SH3PXD2B: variants seen among roughly 807,000 people sequenced by gnomAD.
The protein encoded by SH3PXD2B is SH3 and PX domains 2B.
A neutral mutation model predicts 73.1 loss-of-function variants in SH3PXD2B; 37 were observed. That is an observed-to-expected ratio of 0.51 (90% CI 0.39 to 0.67). The LOEUF is 0.67. Ranked by LOEUF, SH3PXD2B falls within the 30% of genes least tolerant of loss-of-function variation. SH3PXD2B has a pLI of 0.00. For synonymous variants in SH3PXD2B, 457 were observed against 480.5 expected (o/e 0.95, Z 0.64); for missense variants, 1,053 against 1,197.8 (o/e 0.88, Z 1.78).
intron 2 of SH3PXD2B, among the ~76,000 whole-genome samples, chr5:172,407,746 G>T (rs2113432830): frequency 6.6e-6 from 1 of 152,334 alleles, no homozygotes; most frequent in East Asian, 1.9e-4. Context: ...GGGAGGGAGG[G>T]GAGGACCCGA....
intron 4 of SH3PXD2B, among the ~76,000 whole-genome samples, chr5:172,384,090 C>T (rs1758007158): frequency 6.6e-6 from 1 of 152,010 alleles, no homozygotes; most frequent in East Asian, 1.9e-4. Flanking sequence ...CGTGATCCAC[C>T]CACCTCGGCT....
chr5:172,433,469 G>GA (rs1759299934), intron 1 of SH3PXD2B, among the ~76,000 whole-genome samples: 1 of 152,082 alleles, frequency 6.6e-6, no homozygotes, highest in Non-Finnish European at 1.5e-5. Flanking sequence ...TTTACAATCA[G>GA]AAAAAAAGAT....
At chr5:172,431,638 A>AT (rs1759243484) in intron 1 of SH3PXD2B, among the ~76,000 whole-genome samples, 1 of 152,214 alleles carries the variant, frequency 6.6e-6, no homozygotes, top group South Asian at 2.1e-4. Flanking sequence ...TTCTGTAATG[A>AT]TATCAACTGT....
intron 12 of SH3PXD2B, among the ~76,000 whole-genome samples, chr5:172,341,462 T>C (rs1756847696): frequency 1.3e-5 from 2 of 152,246 alleles, no homozygotes; most frequent in Admixed American, 1.3e-4. Flanking sequence ...GGTGTCTCCT[T>C]GCCACTCTCT....
chr5:172,355,865 C>T (rs752765238), intron 8 of SH3PXD2B, among the ~76,000 whole-genome samples: 1 of 152,078 alleles, frequency 6.6e-6, no homozygotes, highest in Non-Finnish European at 1.5e-5. Flanking sequence ...TTCTATCACC[C>T]GAGTCCCTCT....
intron 1 of SH3PXD2B, among the ~76,000 whole-genome samples, chr5:172,446,164 G>A (rs968160599): frequency 1.3e-5 from 2 of 152,192 alleles, no homozygotes; most frequent in Non-Finnish European, 2.9e-5. Context: ...CAGGCCAGCA[G>A]CACCCCTCCT....
chr5:172,412,891 G>A (rs1417460972), intron 2 of SH3PXD2B, among the ~76,000 whole-genome samples: 1 of 152,214 alleles, frequency 6.6e-6, no homozygotes, highest in African/African-American at 2.4e-5. Flanking sequence ...GTCATTTGGG[G>A]AGTAGGAAGG....
chr5:172,334,536 T>C lies in SH3PXD2B; in HGVS notation c.*3833A>G. On this transcript the variant is annotated 3_prime_UTR_variant, in exon 13 of 13. Coordinates refer to ENST00000311601, the MANE Select transcript of SH3PXD2B (RefSeq NM_001017995.3). ...CCTTGGGGGATAAGACAGCCACACA[T>C]GGCTCAGGCTGTTAGGTGTCCACTG... 2 of 985,528 alleles carry C rather than the reference T, an allele frequency of 2.0e-6. No individual in the cohort carries two copies. Among genetic ancestry groups the C allele is most frequent in the Non-Finnish European group, 2.4e-6 (2 of 830,066 alleles). The allele number at this position is 985,528 out of a possible 1,614,324, so 61.0% of individuals were successfully genotyped here. A position where few individuals can be genotyped will look rare whatever the true frequency, so the allele number is the denominator to read the frequency against.
At chr5:172,379,611 G>A (rs1003386670) in intron 5 of SH3PXD2B, among the ~76,000 whole-genome samples, 12 of 152,182 alleles carry the variant, frequency 7.9e-5, no homozygotes, top group Admixed American at 2.0e-4. Flanking sequence ...AAGAGACAGC[G>A]CTGGAATAAA....
At chr5:172,437,471 G>C (rs372715557) in intron 1 of SH3PXD2B, among the ~76,000 whole-genome samples, 1 of 152,294 alleles carries the variant, frequency 6.6e-6, no homozygotes, top group Non-Finnish European at 1.5e-5. Context: ...GCCTGAGGTC[G>C]AGAGGCTGGG....
intron 6 of SH3PXD2B, among the ~76,000 whole-genome samples, chr5:172,373,265 C>T (rs2113352473): frequency 6.6e-6 from 1 of 152,338 alleles, no homozygotes; most frequent in East Asian, 1.9e-4. Flanking sequence ...ATCCCCTCAG[C>T]CCGGGATGCC....
Position 172,335,734 on chromosome 5 carries a change from T to C in SH3PXD2B, c.*2635A>G. ...CAGTCCTGGATGGGGTAAATCTAAGTCCCCAGGCAAGGACAGCTAGGAGAG... is the reference window on the plus strand; with the variant it reads ...CAGTCCTGGATGGGGTAAATCTAAGCCCCCAGGCAAGGACAGCTAGGAGAG... On this transcript the variant is annotated 3_prime_UTR_variant, in exon 13 of 13. Coordinates refer to ENST00000311601, the MANE Select transcript of SH3PXD2B (RefSeq NM_001017995.3). 2 of 1,231,128 alleles carry C rather than the reference T, an allele frequency of 1.6e-6. No individual in the cohort carries two copies. The highest frequency in any genetic ancestry group is 8.5e-5 in the Admixed American group (2 of 23,668). 76.3% of individuals were successfully genotyped at this position (1,231,128 alleles called of 1,614,324 possible).
At position 172,336,763 on chromosome 5, in the gene SH3PXD2B, GCT is replaced by G; in HGVS notation, c.*1604_*1605del. ...GTAGAATGGGAAGGGGTTCTGCTCT[GCT>G]CTCTTACTCTGGGCTGGGAGCTAGA... On this transcript the variant is annotated 3_prime_UTR_variant, in exon 13 of 13. Transcript: ENST00000311601. 3 of 985,672 alleles carry G rather than the reference GCT, an allele frequency of 3.0e-6. No individual in the cohort carries two copies. Among genetic ancestry groups the G allele is most frequent in the Non-Finnish European group, 2.4e-6 (2 of 830,190 alleles). 61.1% of individuals were successfully genotyped at this position (985,672 alleles called of 1,614,324 possible). A position where few individuals can be genotyped will look rare whatever the true frequency, so the allele number is the denominator to read the frequency against.
rs536704928 is a variant in SH3PXD2B at position 172,400,530 on chromosome 5, C to T, written c.232+5747G>A. On this transcript the variant is annotated intron_variant, in intron 3 of 12. Transcript: ENST00000311601. The stretch of plus-strand genomic sequence containing the variant: ...GATACTCCCCATTCTGAGCCCAGAA[C>T]ACCCAGAACTTTGGAAATTGGCTCT... Among the ~76,000 whole-genome samples, 138 of 152,346 alleles carry T rather than the reference C, an allele frequency of 9.1e-4. 1 individual carries two copies. The highest frequency in any genetic ancestry group is 8.2e-3 in the Admixed American group (126 of 15,298).
At chr5:172,368,751 ATATATT>A (rs1250849628) in intron 6 of SH3PXD2B, among the ~76,000 whole-genome samples, 34 of 112,182 alleles carry the variant, frequency 3.0e-4, no homozygotes, top group African/African-American at 1.1e-3. Context: ...TGTAATATAT[ATATATT>A]TAATATATAA....
chr5:172,369,596 C>T (rs533802485), intron 6 of SH3PXD2B, among the ~76,000 whole-genome samples: 10 of 152,204 alleles, frequency 6.6e-5, no homozygotes, highest in African/African-American at 2.2e-4. Flanking sequence ...AATGAAATCC[C>T]GTCTGTACTA....
chr5:172,389,865 C>T (rs1289594014), intron 4 of SH3PXD2B, among the ~76,000 whole-genome samples: 1 of 152,144 alleles, frequency 6.6e-6, no homozygotes, highest in Admixed American at 6.5e-5. Context: ...TCATCTGTCC[C>T]CACACTGCCC....
intron 1 of SH3PXD2B, among the ~76,000 whole-genome samples, chr5:172,425,580 A>G (rs1466690513): frequency 2.6e-5 from 4 of 152,098 alleles, no homozygotes; most frequent in African/African-American, 4.8e-5. Context: ...TGTGAGGAAC[A>G]GGAGAGTATG....
intron 2 of SH3PXD2B, among the ~76,000 whole-genome samples, chr5:172,408,534 C>CTTTTTTTTTTTTTTT (rs34377327): frequency 5.4e-5 from 5 of 92,664 alleles, no homozygotes; most frequent in African/African-American, 1.0e-4. Flanking sequence ...TGGGTTATCA[C>CTTTTTTTTTTTTTTT]TTTTTTTTTT....
Sources: gnomAD v4.1 joint callset for allele counts (sites outside exome capture counted in the v4.1 genomes callset) on GRCh38, gnomAD v4.1.1 for gene constraint, MANE v1.5 for transcripts, NCBI Gene and HGNC (gene_info 2026-07-23, HGNC 2026-07-21) for gene names.